The following ITPR1 variants were observed in gnomAD, a reference collection of about 807,000 sequenced individuals.
ITPR1 encodes inositol 1,4,5-trisphosphate receptor type 1.
Under a neutral mutation model 318.4 loss-of-function variants are expected in ITPR1, and 96 were observed. The ratio of observed to expected loss-of-function variants is 0.30; its 90% CI spans 0.26 to 0.36. The LOEUF is 0.36. ITPR1 is among the 10% of genes least tolerant of loss of function. The pLI is 1.00. For synonymous variants in ITPR1, 1,312 were observed against 1,289.9 expected (o/e 1.02, Z -0.37); for missense variants, 2,440 against 3,460.2 (o/e 0.71, Z 7.40).
chr3:4,831,355 G>A (rs956816332), intron 60 of ITPR1: 3 of 256,940 alleles, frequency 1.2e-5, no homozygotes, highest in Non-Finnish European at 2.4e-5. Context: ...TGTCTGCTCC[G>A]AGAGAGGAAG....
At chr3:4,804,796 A>C (rs941707380) in intron 54 of ITPR1, among the ~76,000 whole-genome samples, 1 of 152,178 alleles carries the variant, frequency 6.6e-6, no homozygotes, top group Non-Finnish European at 1.5e-5. Context: ...CTGTCTGAGA[A>C]AGCCAGCAGC....
Position 4,846,177 on chromosome 3 carries a change from T to TCTA in ITPR1, c.8230_8232dup (p.Leu2744dup). ...GGAAGCAGAAACAAAGAATTGGTCT[T>TCTA]CTAGGACATCCTCCTCACATGAATG... On this transcript the variant is annotated inframe_insertion, in exon 62 of 62. Coordinates refer to ENST00000649015, the MANE Select transcript of ITPR1 (RefSeq NM_001378452.1). 6.4e-7 allele frequency: 1 copy of TCTA among 1,570,136 alleles called. No homozygotes were observed. Among genetic ancestry groups the TCTA allele is most frequent in the Non-Finnish European group, 8.6e-7 (1 of 1,156,656 alleles).
At chr3:4,639,350 C>G (rs747830470) in intron 5 of ITPR1, 34 bp from the exon 6 acceptor site, 6 of 1,490,750 alleles carry the variant, frequency 4.0e-6, no homozygotes, top group Admixed American at 3.9e-5. Context: ...ACATGGTTTC[C>G]TCTTTGTGAT....
intron 33 of ITPR1, among the ~76,000 whole-genome samples, chr3:4,694,181 T>TA (rs370783456): frequency 8.8e-5 from 13 of 146,944 alleles, no homozygotes; most frequent in South Asian, 4.3e-4. Flanking sequence ...GACAATCAAT[T>TA]AAAAAAAAAA....
chr3:4,697,613 GGCTAAT>G (rs1196261313), intron 34 of ITPR1, among the ~76,000 whole-genome samples: 6 of 151,686 alleles, frequency 4.0e-5, no homozygotes, highest in Non-Finnish European at 8.8e-5. Context: ...CACCATGCCT[GGCTAAT>G]TTTTGTATTT....
chr3:4,655,256 G>A (rs1449725554), intron 12 of ITPR1, among the ~76,000 whole-genome samples: 4 of 152,124 alleles, frequency 2.6e-5, no homozygotes, highest in Admixed American at 2.0e-4. Flanking sequence ...GTGGTGACAT[G>A]GAGGAAATCT....
chr3:4,516,695 A>C (rs2124917503), intron 3 of ITPR1, 112 bp downstream of exon 3: 1 of 727,646 alleles, frequency 1.4e-6, no homozygotes, highest in South Asian at 1.8e-5. Context: ...TGGCTTTCTA[A>C]GTGCGGTTGA....
rs538473209 is a variant in ITPR1, at chr3:4,730,216, T to TAAAAAAAAAAAAAAAAAAAAAAAAAA, written c.5221-2858_5221-2857insAAAAAAAAAAAAAAAAAAAAAAAAAA. On this transcript the variant is annotated intron_variant, in intron 42 of 61. Transcript: ENST00000649015. ...TCAAAAAAGGAATGAATCTCATCTT[T>TAAAAAAAAAAAAAAAAAAAAAAAAAA]AAAAAAAAAAAAAACAAAAAAAAAC... Among the ~76,000 whole-genome samples the TAAAAAAAAAAAAAAAAAAAAAAAAAA allele has an allele frequency of 1.7e-5, 2 of 116,930 alleles. 1 individual carries two copies. The highest frequency in any genetic ancestry group is 3.7e-5 in the Non-Finnish European group (2 of 54,430). 76.7% of individuals were successfully genotyped at this position (116,930 alleles called of 152,430 possible).
At chr3:4,800,103 G>A (rs775474910) in intron 53 of ITPR1, 17 of 346,266 alleles carry the variant, frequency 4.9e-5, no homozygotes, top group Non-Finnish European at 7.3e-5. Context: ...CAGGGAGTAC[G>A]GAGGAGGAGG....
At position 4,846,239 on chromosome 3, in the gene ITPR1, A is replaced by G; in HGVS notation, c.*14A>G. 1 of 1,514,886 alleles carries G rather than the reference A, an allele frequency of 6.6e-7. No individual in the cohort carries two copies. The highest frequency in any genetic ancestry group is 9.0e-7 in the Non-Finnish European group (1 of 1,112,592). 93.8% of individuals were successfully genotyped at this position (1,514,886 alleles called of 1,614,324 possible). The stretch of plus-strand genomic sequence containing the variant: ...CAACCAGCATAAGCAAATGAAAGAA[A>G]GGAATTGTATTTACCTTTTATAATT... On this transcript the variant is annotated 3_prime_UTR_variant, in exon 62 of 62. Transcript: ENST00000649015.
chr3:4,499,590 A>G (rs1157733250), intron 2 of ITPR1, among the ~76,000 whole-genome samples: 1 of 152,248 alleles, frequency 6.6e-6, no homozygotes, highest in Non-Finnish European at 1.5e-5. Flanking sequence ...TAAATACATT[A>G]CAAATGGTTG....
At chr3:4,513,715 A>C (rs75722887) in intron 2 of ITPR1, among the ~76,000 whole-genome samples, 1 of 152,230 alleles carries the variant, frequency 6.6e-6, no homozygotes, top group Admixed American at 6.5e-5. Context: ...CTCCATAATC[A>C]TCCGGAGTAT....
At chr3:4,688,766 T>C (rs2094436640) in intron 31 of ITPR1, 146 bp downstream of exon 31, 7 of 794,318 alleles carry the variant, frequency 8.8e-6, no homozygotes, top group Middle Eastern at 2.5e-4. Context: ...TCATCACTTA[T>C]CACGAGGACA....
At chr3:4,690,568 C>A (rs1381713610) in intron 31 of ITPR1, among the ~76,000 whole-genome samples, 1 of 152,110 alleles carries the variant, frequency 6.6e-6, no homozygotes, top group East Asian at 1.9e-4. Context: ...ACTTTGTGAC[C>A]CAACAATTCT....
intron 4 of ITPR1, among the ~76,000 whole-genome samples, chr3:4,582,448 C>T (rs569986576): frequency 6.6e-5 from 10 of 152,240 alleles, no homozygotes; most frequent in South Asian, 2.1e-4. Context: ...TCTCCCCACG[C>T]GTCCATGTGT....
At chr3:4,739,964 C>T (rs1331798977) in intron 44 of ITPR1, among the ~76,000 whole-genome samples, 1 of 152,096 alleles carries the variant, frequency 6.6e-6, no homozygotes, top group Non-Finnish European at 1.5e-5. Flanking sequence ...TTCTGAGAAA[C>T]AGTGTTTCAA....
At chr3:4,791,013 C>T (rs890341019) in intron 52 of ITPR1, among the ~76,000 whole-genome samples, 1 of 152,194 alleles carries the variant, frequency 6.6e-6, no homozygotes. Flanking sequence ...GTTGAATGTG[C>T]TGACACTTTC....
In ITPR1 at chr3:4,845,077, TATC is replaced by T. The variant is rs1320558216; in HGVS notation, c.8191-1058_8191-1056del. Among the ~76,000 whole-genome samples the T allele has an allele frequency of 4.6e-5, 7 of 152,338 alleles. No homozygotes were observed. In the East Asian group the frequency reaches 1.3e-3, roughly 29 times the overall value. ...AATTCTCCACCAATCAGCTAGGAAT[TATC>T]ATCCTGATTGTATGGATGAGAAAAC... is the stretch of plus-strand genomic sequence containing the variant. On this transcript the variant is annotated intron_variant, in intron 61 of 61. Coordinates refer to ENST00000649015, the MANE Select transcript of ITPR1 (RefSeq NM_001378452.1).
Position 4,815,985 on chromosome 3 carries a change from TACACAC to T in ITPR1, c.7867+793_7867+798del, listed in dbSNP as rs10607666. On this transcript the variant is annotated intron_variant, in intron 59 of 61. Coordinates refer to ENST00000649015, the MANE Select transcript of ITPR1 (RefSeq NM_001378452.1). ...TTAATATTTTATCTCATTTGCTTTA[TACACAC>T]ACACACACACACACACACACACACA... Among the ~76,000 whole-genome samples the T allele has an allele frequency of 3.0e-3, 449 of 149,558 alleles. 2 individuals carry two copies. The highest frequency in any genetic ancestry group is 4.7e-3 in the East Asian group (24 of 5,066).
Sources: gnomAD v4.1 joint callset for allele counts (sites outside exome capture counted in the v4.1 genomes callset) on GRCh38, gnomAD v4.1.1 for gene constraint, MANE v1.5 for transcripts, NCBI Gene and HGNC (gene_info 2026-07-23, HGNC 2026-07-21) for gene names.